The following CRPPA variants were observed in gnomAD, a reference collection of about 807,000 sequenced individuals.
CRPPA encodes the protein D-ribitol-5-phosphate cytidylyltransferase.
A neutral mutation model predicts 52.0 loss-of-function variants in CRPPA; 43 were observed. That is an observed-to-expected ratio of 0.83 (90% CI 0.65 to 1.07). CRPPA has a LOEUF of 1.07. CRPPA is among the 50% of genes least tolerant of loss of function. CRPPA has a pLI of 0.00. For missense variants in CRPPA, 629 were observed against 551.7 expected (o/e 1.14, Z -1.40); for synonymous variants, 250 against 203.5 (o/e 1.23, Z -1.94).
intron 5 of CRPPA, among the ~76,000 whole-genome samples, chr7:16,296,370 A>G (rs1369523966): frequency 1.3e-5 from 2 of 152,178 alleles, no homozygotes; most frequent in Admixed American, 1.3e-4. Flanking sequence ...TGACTTGAAC[A>G]TAAATTAAGA....
At chr7:16,352,424 A>T (rs927852111) in intron 3 of CRPPA, among the ~76,000 whole-genome samples, 4 of 151,652 alleles carry the variant, frequency 2.6e-5, no homozygotes, top group Admixed American at 6.6e-5. Context: ...CAAAAAATTT[A>T]AAAAAAAAAT....
At chr7:16,152,995 A>C (rs968375201) in intron 9 of CRPPA, among the ~76,000 whole-genome samples, 1 of 152,060 alleles carries the variant, frequency 6.6e-6, no homozygotes, top group African/African-American at 2.4e-5. Flanking sequence ...TATTATGATT[A>C]GCCTAACTGT....
rs1414783074 is a variant in CRPPA, at chr7:16,301,469, A to G, written c.790-3T>C. 6.2e-7 allele frequency: 1 copy of G among 1,610,354 alleles called. No homozygotes were observed. Among genetic ancestry groups the G allele is most frequent in the East Asian group, 2.2e-5 (1 of 44,828 alleles). On this transcript the variant is annotated splice_region_variant and splice_polypyrimidine_tract_variant and intron_variant, in intron 4 of 9. Coordinates refer to ENST00000407010, the MANE Select transcript of CRPPA (RefSeq NM_001101426.4). ...TAGAGATCTCGTTTGTAGGTCACCT[A>G]AAGGACAGATAAACTTCATTAGACT...
At chr7:16,134,774 A>G (rs977985385) in intron 9 of CRPPA, among the ~76,000 whole-genome samples, 1 of 152,232 alleles carries the variant, frequency 6.6e-6, no homozygotes, top group African/African-American at 2.4e-5. Context: ...GTAAATTATA[A>G]TTGAATCACA....
At chr7:16,414,294 T>C (rs1447269307) in intron 1 of CRPPA, among the ~76,000 whole-genome samples, 1 of 151,054 alleles carries the variant, frequency 6.6e-6, no homozygotes. Flanking sequence ...CCTTTTGCTG[T>C]AGTTGTCATC....
At chr7:16,370,234 T>C (rs1583554355) in intron 3 of CRPPA, among the ~76,000 whole-genome samples, 1 of 152,198 alleles carries the variant, frequency 6.6e-6, no homozygotes, top group East Asian at 1.9e-4. Context: ...AACCCAAGGG[T>C]AAGCTGGAAG....
intron 9 of CRPPA, among the ~76,000 whole-genome samples, chr7:16,197,026 AG>A (rs201135323): frequency 2.6e-3 from 391 of 148,758 alleles, no homozygotes; most frequent in Non-Finnish European, 3.2e-3. Flanking sequence ...CCTTAAAAAA[AG>A]AAAAAGCTAT....
rs74911987 is a variant in CRPPA at position 16,375,928 on chromosome 7, C to G, written c.684+164G>C. Among the ~76,000 whole-genome samples the G allele has an allele frequency of 0.01, 1,548 of 152,314 alleles. 29 individuals are homozygous for G. The highest frequency in any genetic ancestry group is 0.035 in the African/African-American group (1,464 of 41,562). ...TCCTCAACATTCTGCCTGCATCTCT[C>G]TCTTCTGATCCAGCTCTATAACCTT... On this transcript the variant is annotated intron_variant, in intron 3 of 9. Coordinates refer to ENST00000407010, the MANE Select transcript of CRPPA (RefSeq NM_001101426.4).
intron 3 of CRPPA, among the ~76,000 whole-genome samples, chr7:16,349,760 T>C (rs916911669): frequency 7.3e-5 from 11 of 151,602 alleles, no homozygotes; most frequent in Admixed American, 6.6e-4. Context: ...ACTTATGAGA[T>C]TTATGGGACA....
At chr7:16,247,713 C>G (rs1783317366) in intron 8 of CRPPA, among the ~76,000 whole-genome samples, 1 of 152,108 alleles carries the variant, frequency 6.6e-6, no homozygotes, top group Non-Finnish European at 1.5e-5. Flanking sequence ...AAACATGTAT[C>G]TTCAGAGTGA....
At chr7:16,124,802 G>A (rs1456002110) in intron 9 of CRPPA, among the ~76,000 whole-genome samples, 1 of 151,972 alleles carries the variant, frequency 6.6e-6, no homozygotes, top group Non-Finnish European at 1.5e-5. Context: ...TTGTATACAT[G>A]TATCAAAATG....
At chr7:16,116,130 A>G (rs954139452) in intron 9 of CRPPA, among the ~76,000 whole-genome samples, 18 of 152,206 alleles carry the variant, frequency 1.2e-4, no homozygotes, top group Admixed American at 2.0e-4. Context: ...AGGTAGTAAT[A>G]TATTTTCAGT....
At chr7:16,159,056 G>C (rs1380956693) in intron 9 of CRPPA, among the ~76,000 whole-genome samples, 2 of 152,174 alleles carry the variant, frequency 1.3e-5, no homozygotes, top group Non-Finnish European at 2.9e-5. Context: ...CCGTGGCCAA[G>C]GCTTCTGTTC....
intron 2 of CRPPA, among the ~76,000 whole-genome samples, chr7:16,397,627 C>A (rs1241835657): frequency 2.0e-5 from 3 of 152,082 alleles, no homozygotes; most frequent in African/African-American, 7.2e-5. Flanking sequence ...GTGACCAACA[C>A]GTGTGTGACA....
chr7:16,356,462 C>G (rs1029451046), intron 3 of CRPPA, among the ~76,000 whole-genome samples: 1 of 152,164 alleles, frequency 6.6e-6, no homozygotes, highest in Non-Finnish European at 1.5e-5. Context: ...CACAGGCTGG[C>G]CTCTGACTGC....
At chr7:16,119,938 A>T (rs907198937) in intron 9 of CRPPA, among the ~76,000 whole-genome samples, 4 of 152,212 alleles carry the variant, frequency 2.6e-5, no homozygotes, top group African/African-American at 9.6e-5. Context: ...GAAGTGTGCA[A>T]GAATTCCTAA....
chr7:16,396,740 T>A (rs1787584311), intron 2 of CRPPA, among the ~76,000 whole-genome samples: 1 of 152,234 alleles, frequency 6.6e-6, no homozygotes, highest in Non-Finnish European at 1.5e-5. Flanking sequence ...TACATTCGTA[T>A]GACATGACTG....
chr7:16,205,819 A>C (rs947683138), intron 9 of CRPPA, among the ~76,000 whole-genome samples: 9 of 152,012 alleles, frequency 5.9e-5, no homozygotes, highest in African/African-American at 7.2e-5. Flanking sequence ...GATCCTCCCT[A>C]AAGAGCCAAA....
chr7:16,136,733 G>C (rs980521234), intron 9 of CRPPA, among the ~76,000 whole-genome samples: 1 of 152,174 alleles, frequency 6.6e-6, no homozygotes, highest in African/African-American at 2.4e-5. Context: ...GAGAAAGAAG[G>C]TGCCCACTGT....
Sources: gnomAD v4.1 joint callset for allele counts (sites outside exome capture counted in the v4.1 genomes callset) on GRCh38, gnomAD v4.1.1 for gene constraint, MANE v1.5 for transcripts, NCBI Gene and HGNC (gene_info 2026-07-23, HGNC 2026-07-21) for gene names.